CFI: variants seen among roughly 807,000 people sequenced by gnomAD.
CFI encodes the protein complement factor I.
CFI carries 66 observed loss-of-function variants against 78.8 expected under a neutral mutation model. The ratio of observed to expected loss-of-function variants is 0.84; its 90% CI spans 0.69 to 1.03. CFI has a LOEUF of 1.03. CFI is among the 50% of genes least tolerant of loss of function. The pLI, the probability that CFI is intolerant of heterozygous loss-of-function variation, is 0.00. For missense variants in CFI, 706 were observed against 704.5 expected, an observed-to-expected ratio of 1.00 and a Z score of -0.02; for synonymous variants, 250 against 232.6, an observed-to-expected ratio of 1.07 and a Z score of -0.68.
intron 1 of CFI, among the ~76,000 whole-genome samples, chr4:109,780,808 T>A (rs1377929796): frequency 6.6e-6 from 1 of 152,214 alleles, no homozygotes; most frequent in Non-Finnish European, 1.5e-5. Flanking sequence ...CATGGAATAC[T>A]ATGCAGCCAT....
intron 7 of CFI, among the ~76,000 whole-genome samples, chr4:109,755,675 T>C (rs1479785956): frequency 6.6e-6 from 1 of 152,142 alleles, no homozygotes; most frequent in Non-Finnish European, 1.5e-5. Context: ...TTGACAGATG[T>C]GGGACCTGCG....
At chr4:109,739,665 A>G (rs1348495663), downstream of CFI, among the ~76,000 whole-genome samples, 1 of 152,180 alleles carries the variant, frequency 6.6e-6, no homozygotes, top group Non-Finnish European at 1.5e-5. Flanking sequence ...GGCATATACT[A>G]ATCTGAGGTT....
chr4:109,746,979 G>A (rs189880020), intron 10 of CFI, among the ~76,000 whole-genome samples: 6 of 152,250 alleles, frequency 3.9e-5, no homozygotes, highest in African/African-American at 1.2e-4. Flanking sequence ...ACATTGCATT[G>A]TATTTATTTG....
rs7683027 is a variant in CFI, at chr4:109,759,965, G to A, written c.883+305C>T. ...AACAAACAAACTGGAAGAGAGATAA[G>A]CAAGATTGGCAAACTATCAATAACT... On this transcript the variant is annotated intron_variant, in intron 6 of 12. Coordinates refer to ENST00000394634, the MANE Select transcript of CFI (RefSeq NM_000204.5). Among the ~76,000 whole-genome samples the A allele has an allele frequency of 0.97, 147,719 of 152,316 alleles. 71,795 individuals carry two copies. The highest frequency in any genetic ancestry group is 1 in the East Asian group (5,188 of 5,188).
At chr4:109,735,983 A>G (rs780371366), downstream of CFI, among the ~76,000 whole-genome samples, 2 of 152,210 alleles carry the variant, frequency 1.3e-5, no homozygotes, top group Non-Finnish European at 2.9e-5. Flanking sequence ...TCAGTTATCT[A>G]GGTTTTCCTT....
intron 1 of CFI, among the ~76,000 whole-genome samples, chr4:109,787,941 TTA>T (rs1730951909): frequency 1.3e-5 from 2 of 152,130 alleles, no homozygotes; most frequent in African/African-American, 4.8e-5. Flanking sequence ...CCTGTAAAAG[TTA>T]TGTTTCCTTC....
chr4:109,732,443 G>A, the CFI span, among the ~76,000 whole-genome samples: 1 of 152,114 alleles, frequency 6.6e-6, no homozygotes, highest in East Asian at 1.9e-4. Flanking sequence ...CAAGGTTTAC[G>A]TTTTCCTCTT....
chr4:109,774,321 A>AG (rs1728950604), intron 1 of CFI, among the ~76,000 whole-genome samples: 3 of 152,302 alleles, frequency 2.0e-5, no homozygotes, highest in South Asian at 2.1e-4. Flanking sequence ...ATGGAGAGTG[A>AG]GGGGAGAATT....
chr4:109,762,341 G>A (rs932624447), intron 3 of CFI: 2 of 152,426 alleles, frequency 1.3e-5, no homozygotes, highest in Non-Finnish European at 2.9e-5. Context: ...TGCTTTTACA[G>A]TAAGCTACAT....
At chr4:109,769,583 G>T (rs1331394914) in intron 1 of CFI, among the ~76,000 whole-genome samples, 1 of 152,090 alleles carries the variant, frequency 6.6e-6, no homozygotes. Flanking sequence ...TCTCATGCGG[G>T]GTACTATGAG....
At chr4:109,786,558 A>G (rs916438113) in intron 1 of CFI, among the ~76,000 whole-genome samples, 1 of 151,982 alleles carries the variant, frequency 6.6e-6, no homozygotes, top group African/African-American at 2.4e-5. Context: ...TGTCTTTTCC[A>G]TATTTAACCT....
intron 1 of CFI, among the ~76,000 whole-genome samples, chr4:109,780,914 G>A (rs577390559): frequency 4.4e-4 from 67 of 152,218 alleles, no homozygotes; most frequent in East Asian, 1.7e-3. Flanking sequence ...ACCAAACACC[G>A]CATGTTCTCA....
At chr4:109,741,948 G>A (rs1043247613) in intron 12 of CFI, 1 of 161,084 alleles carries the variant, frequency 6.2e-6, no homozygotes, top group East Asian at 1.8e-4. Flanking sequence ...GTTATCAAAG[G>A]AGTCCGTGGC....
In CFI at chr4:109,775,565, T is replaced by C. The variant is rs1454396624; in HGVS notation, c.58-8741A>G. On this transcript the variant is annotated intron_variant, in intron 1 of 12. Coordinates refer to ENST00000394634, the MANE Select transcript of CFI (RefSeq NM_000204.5). ...CCTGCCTGCCTCTGTAGACTCCACC[T>C]CTGGGGGCAGGGCATAGCTGAACAA... 3.3e-5 allele frequency among the ~76,000 whole-genome samples: 5 copies of C among 152,176 alleles called. No homozygotes were observed. The East Asian group carries it at 9.6e-4, about 29-fold the overall frequency.
intron 9 of CFI, 53 bp from the exon 10 acceptor site, chr4:109,749,374 C>A (rs1363664986): frequency 6.5e-7 from 1 of 1,536,734 alleles, no homozygotes; most frequent in African/African-American, 1.4e-5. Context: ...GCGATACAAA[C>A]AGCCCTAAGA....
intron 1 of CFI, among the ~76,000 whole-genome samples, chr4:109,788,977 A>T (rs1358128596): frequency 6.6e-6 from 1 of 151,958 alleles, no homozygotes; most frequent in African/African-American, 2.4e-5. Flanking sequence ...AGATTTAAAA[A>T]GTTATTTTAA....
intron 7 of CFI, among the ~76,000 whole-genome samples, chr4:109,755,898 A>G (rs374080778): frequency 1.5e-3 from 230 of 152,284 alleles, no homozygotes; most frequent in African/African-American, 5.2e-3. Context: ...TGGAGAGTAA[A>G]TTGTGCAAGA....
chr4:109,780,894 A>G (rs1483175175), intron 1 of CFI, among the ~76,000 whole-genome samples: 1 of 152,208 alleles, frequency 6.6e-6, no homozygotes, highest in Admixed American at 6.5e-5. Flanking sequence ...AACTATCACA[A>G]GGACAGAAAA....
intron 1 of CFI, among the ~76,000 whole-genome samples, chr4:109,775,771 C>G (rs1192235311): frequency 6.6e-6 from 1 of 152,168 alleles, no homozygotes. Flanking sequence ...ACACCTCATA[C>G]AGCCGAGTGC....
Sources: allele counts gnomAD v4.1 joint callset (sites outside exome capture counted in the v4.1 genomes callset), GRCh38; gene constraint gnomAD v4.1.1; transcripts MANE v1.5; gene names NCBI Gene and HGNC (gene_info 2026-07-23, HGNC 2026-07-21).